COMMD1: variants seen among roughly 807,000 people sequenced by gnomAD.
The protein encoded by COMMD1 is COMM domain-containing protein 1.
COMMD1 carries 10 observed loss-of-function variants against 17.2 expected under a neutral mutation model. The observed-to-expected ratio is 0.58, with a 90% CI of 0.36 to 0.99. The LOEUF (loss-of-function observed/expected upper bound fraction) is 0.99. Among genes scored for constraint, COMMD1 ranks in the 50% least tolerant of loss-of-function variants. The pLI is 0.01. For missense variants in COMMD1, 270 were observed against 231.8 expected (o/e 1.17, Z -1.07); for synonymous variants, 97 against 91.6 (o/e 1.06, Z -0.34).
chr2:62,079,480 A>C (rs76899550), intron 2 of COMMD1, among the ~76,000 whole-genome samples: 16 of 152,234 alleles, frequency 1.1e-4, no homozygotes, highest in African/African-American at 3.9e-4. Context: ...AATATTATCA[A>C]TCTGTTCCCT....
At chr2:61,991,851 C>G (rs1248371405) in intron 1 of COMMD1, among the ~76,000 whole-genome samples, 1 of 152,134 alleles carries the variant, frequency 6.6e-6, no homozygotes, top group Admixed American at 6.5e-5. Context: ...TGAGTTTGAA[C>G]TTCATGCTCA....
At chr2:62,108,149 A>G (rs1672366864) in intron 2 of COMMD1, among the ~76,000 whole-genome samples, 1 of 152,222 alleles carries the variant, frequency 6.6e-6, no homozygotes, top group South Asian at 2.1e-4. Flanking sequence ...ATGATAAAGT[A>G]TACATTGGCA....
At chr2:62,107,489 T>C (rs1378737262) in intron 2 of COMMD1, among the ~76,000 whole-genome samples, 2 of 152,228 alleles carry the variant, frequency 1.3e-5, no homozygotes, top group African/African-American at 4.8e-5. Flanking sequence ...TGAAGACTTT[T>C]ATGAGGCCAG....
intron 1 of COMMD1, among the ~76,000 whole-genome samples, chr2:61,908,062 G>GA (rs1273674649): frequency 2.0e-5 from 3 of 152,124 alleles, no homozygotes; most frequent in Non-Finnish European, 4.4e-5. Flanking sequence ...CTGTGTTGTG[G>GA]AGTGGCATGG....
chr2:61,993,376 G>A (rs557031555), intron 1 of COMMD1, among the ~76,000 whole-genome samples: 6 of 152,334 alleles, frequency 3.9e-5, no homozygotes, highest in African/African-American at 1.4e-4. Context: ...TACTGCCAGA[G>A]GCATTTGTTT....
chr2:61,921,788 C>T (rs1310690865), intron 1 of COMMD1, among the ~76,000 whole-genome samples: 1 of 152,204 alleles, frequency 6.6e-6, no homozygotes, highest in Non-Finnish European at 1.5e-5. Flanking sequence ...AGTTTGCTTT[C>T]ACCTTTCTTT....
At chr2:61,902,138 G>C (rs1316465755), upstream of COMMD1, among the ~76,000 whole-genome samples, 1 of 151,458 alleles carries the variant, frequency 6.6e-6, no homozygotes, top group Non-Finnish European at 1.5e-5. Flanking sequence ...GCCTAGATTT[G>C]ACTATATAAA....
chr2:61,943,927 C>T (rs545063575), intron 1 of COMMD1, among the ~76,000 whole-genome samples: 35 of 152,290 alleles, frequency 2.3e-4, no homozygotes, highest in Non-Finnish European at 4.6e-4. Context: ...TCGAGAGTTC[C>T]CTGTAGGGCT....
rs541069686 is a variant in COMMD1, at chr2:61,963,222, T to C, written c.181-37479T>C. Among the ~76,000 whole-genome samples the C allele has an allele frequency of 6.8e-4, 96 of 141,062 alleles. No individual in the cohort carries two copies. In the East Asian group the frequency reaches 8.5e-3, roughly 12 times the overall value. 92.5% of individuals were successfully genotyped at this position (141,062 alleles called of 152,430 possible). On this transcript the variant is annotated intron_variant, in intron 1 of 2. Transcript: ENST00000311832. The stretch of plus-strand genomic sequence containing the variant: ...ACACACACACACACACACACACACA[T>C]ATATACATATATACACACACACACA...
Position 62,085,606 on chromosome 2 carries a change from G to A in COMMD1, c.463-50225G>A, listed in dbSNP as rs193076448. Among the ~76,000 whole-genome samples, 42 of 152,270 alleles carry A rather than the reference G, an allele frequency of 2.8e-4. No individual in the cohort carries two copies. In the East Asian group the frequency reaches 7.5e-3, roughly 27 times the overall value. ...TAATGCCAAAACTTTGGGAGGCCAAGGTGAGAGGATCATTTGAGCCTAGGA... is the reference window on the plus strand; with the variant it reads ...TAATGCCAAAACTTTGGGAGGCCAAAGTGAGAGGATCATTTGAGCCTAGGA... On this transcript the variant is annotated intron_variant, in intron 2 of 2. Transcript: ENST00000311832.
intron 2 of COMMD1, among the ~76,000 whole-genome samples, chr2:62,021,891 ACT>A (rs1669621550): frequency 6.6e-6 from 1 of 151,802 alleles, no homozygotes; most frequent in South Asian, 2.1e-4. Context: ...TCAGGGTTAA[ACT>A]CTCTAACAGA....
At chr2:61,985,041 CT>C (rs61613631) in intron 1 of COMMD1, among the ~76,000 whole-genome samples, 19,986 of 134,070 alleles carry the variant, frequency 0.15, 1,208 homozygotes, top group East Asian at 0.22. Flanking sequence ...CTATGTGTGT[CT>C]TTTTTTTTTT....
chr2:61,967,716 T>G (rs1406424783), intron 1 of COMMD1, among the ~76,000 whole-genome samples: 3 of 152,214 alleles, frequency 2.0e-5, no homozygotes, highest in Non-Finnish European at 4.4e-5. Flanking sequence ...TTGTGAAATA[T>G]TAATAGTAAT....
intron 2 of COMMD1, among the ~76,000 whole-genome samples, chr2:62,009,210 G>A (rs1669210829): frequency 6.6e-6 from 1 of 152,162 alleles, no homozygotes; most frequent in Non-Finnish European, 1.5e-5. Flanking sequence ...TCTAAGAAGT[G>A]TTCCATAATA....
intron 2 of COMMD1, among the ~76,000 whole-genome samples, chr2:62,067,157 G>A (rs959905127): frequency 1.1e-4 from 16 of 151,930 alleles, no homozygotes; most frequent in African/African-American, 3.6e-4. Context: ...CCCGGAAGGC[G>A]GAGGTTGCGG....
At chr2:61,947,688 C>G (rs1267824170) in intron 1 of COMMD1, among the ~76,000 whole-genome samples, 1 of 148,436 alleles carries the variant, frequency 6.7e-6, no homozygotes, top group African/African-American at 2.5e-5. Flanking sequence ...TCTCAAAAAA[C>G]AACAAACAAA....
At chr2:62,130,103 A>T (rs1053327338) in intron 2 of COMMD1, among the ~76,000 whole-genome samples, 6 of 149,754 alleles carry the variant, frequency 4.0e-5, no homozygotes, top group African/African-American at 1.5e-4. Context: ...TGAACCCGGG[A>T]GGCGGAGCTT....
At chr2:62,042,662 A>G (rs971751200) in intron 2 of COMMD1, among the ~76,000 whole-genome samples, 2 of 152,174 alleles carry the variant, frequency 1.3e-5, no homozygotes, top group Admixed American at 1.3e-4. Flanking sequence ...AGCCCCGGCG[A>G]CGGGCTGAAG....
intron 2 of COMMD1, among the ~76,000 whole-genome samples, chr2:62,021,632 T>A (rs1450510796): frequency 6.6e-6 from 1 of 152,206 alleles, no homozygotes; most frequent in Admixed American, 6.5e-5. Flanking sequence ...ATAAACTCTT[T>A]GAGTCAAGCA....
Sources: gnomAD v4.1 joint callset for allele counts (sites outside exome capture counted in the v4.1 genomes callset) on GRCh38, gnomAD v4.1.1 for gene constraint, MANE v1.5 for transcripts, NCBI Gene and HGNC (gene_info 2026-07-23, HGNC 2026-07-21) for gene names.